BIK: variants seen among roughly 807,000 people sequenced by gnomAD.
BIK encodes BCL2 interacting killer, also known as bcl-2-interacting killer.
Under a neutral mutation model 12.1 loss-of-function variants are expected in BIK, and 14 were observed. That is an observed-to-expected ratio of 1.16 (90% CI 0.77 to 1.81). The LOEUF (loss-of-function observed/expected upper bound fraction) is 1.81. Among genes scored for constraint, BIK ranks in the 40% most tolerant of loss-of-function variants. The probability of loss-of-function intolerance (pLI) is 0.00; values close to 1 mark genes in which losing one functional copy is unlikely to be tolerated. For missense variants in BIK, 215 were observed against 207.9 expected (o/e 1.03, Z -0.21); for synonymous variants, 86 against 92.3 (o/e 0.93, Z 0.39).
At chr22:43,128,775 T>C (rs1049695773) in intron 4 of BIK, 150 bp downstream of exon 4, 1 of 1,207,570 alleles carries the variant, frequency 8.3e-7, no homozygotes. Flanking sequence ...GGCTTTTGGG[T>C]TTGAGATGCC....
intron 1 of BIK, among the ~76,000 whole-genome samples, chr22:43,114,101 C>T (rs188768403): frequency 1.6e-4 from 25 of 152,294 alleles, no homozygotes; most frequent in Non-Finnish European, 2.2e-4. Context: ...GCTGATTTTC[C>T]TAGTGTCAAT....
At chr22:43,113,483 C>G (rs1284617434) in intron 1 of BIK, among the ~76,000 whole-genome samples, 1 of 151,550 alleles carries the variant, frequency 6.6e-6, no homozygotes, top group East Asian at 1.9e-4. Flanking sequence ...ACCCAGGAGG[C>G]GGAGATTGCA....
chr22:43,126,188 C>CTT (rs549572600), intron 2 of BIK, among the ~76,000 whole-genome samples: 1 of 137,160 alleles, frequency 7.3e-6, no homozygotes, highest in Non-Finnish European at 1.6e-5. Flanking sequence ...GCATGCCCGG[C>CTT]TTTTTTTTTT....
At position 43,124,085 on chromosome 22, in the gene BIK, C is replaced by A. The variant is rs780165379; in HGVS notation, c.63C>A (p.Leu21=). 3.1e-6 allele frequency: 5 copies of A among 1,614,176 alleles called. No homozygotes were observed. Among genetic ancestry groups the A allele is most frequent in the Non-Finnish European group, 4.2e-6 (5 of 1,180,028 alleles). The change falls in exon 2 of 5, where the codon CTC becomes CTA. Residue 21 remains leucine (L), a synonymous_variant. Coordinates refer to ENST00000216115, the MANE Select transcript of BIK (RefSeq NM_001197.5). ...TGGAGACCCTCCTGTATGAGCAGCTCCTGGAACCCCCGACCATGGAGGTTC... is the reference window on the plus strand; with the variant it reads ...TGGAGACCCTCCTGTATGAGCAGCTACTGGAACCCCCGACCATGGAGGTTC... The part of the protein sequence containing the change: ...ILMETLLYEQ[L]LEPPTMEVLG...
intron 1 of BIK, among the ~76,000 whole-genome samples, chr22:43,121,932 T>C (rs1241663010): frequency 2.0e-5 from 3 of 152,220 alleles, no homozygotes; most frequent in Non-Finnish European, 2.9e-5. Context: ...GGTTTTACCA[T>C]GTTGGCCAGG....
In BIK at chr22:43,129,692, A is replaced by C; in HGVS notation, c.*387A>C. The stretch of plus-strand genomic sequence containing the variant: ...AGATTCCGAGGAGCAGGAGTGCTCA[A>C]TAAAATGTTGGTTTCCAGCAGTCTC... On this transcript the variant is annotated 3_prime_UTR_variant, in exon 5 of 5. Transcript: ENST00000216115. 1 of 219,348 alleles carries C rather than the reference A, an allele frequency of 4.6e-6. No homozygotes were observed. Among genetic ancestry groups the C allele is most frequent in the Non-Finnish European group, 9.0e-6 (1 of 110,804 alleles). The allele number at this position is 219,348 out of a possible 1,614,324, so 13.6% of individuals were successfully genotyped here.
chr22:43,118,875 G>T (rs1225437322), intron 1 of BIK, among the ~76,000 whole-genome samples: 3 of 151,992 alleles, frequency 2.0e-5, no homozygotes, highest in African/African-American at 7.3e-5. Context: ...TGCAGCCTCG[G>T]CCCTCGAACA....
At chr22:43,115,525 C>T (rs368742380) in intron 1 of BIK, among the ~76,000 whole-genome samples, 10 of 152,170 alleles carry the variant, frequency 6.6e-5, no homozygotes, top group Non-Finnish European at 1.2e-4. Context: ...TGCAGTGGCG[C>T]GATCTCGGCT....
At chr22:43,118,275 G>A (rs1020379797) in intron 1 of BIK, among the ~76,000 whole-genome samples, 5 of 152,302 alleles carry the variant, frequency 3.3e-5, no homozygotes, top group Admixed American at 2.6e-4. Flanking sequence ...TCAGTCCACC[G>A]TGGCGTCCTG....
intron 1 of BIK, among the ~76,000 whole-genome samples, chr22:43,114,779 G>T (rs556757380): frequency 6.6e-6 from 1 of 152,220 alleles, no homozygotes; most frequent in African/African-American, 2.4e-5. Context: ...TGTGCGCCTC[G>T]CAGAGCAACA....
chr22:43,124,790 G>A (rs1309714051), intron 2 of BIK, among the ~76,000 whole-genome samples: 1 of 151,600 alleles, frequency 6.6e-6, no homozygotes, highest in Non-Finnish European at 1.5e-5. Flanking sequence ...TAGTCGGGAG[G>A]CTGAGGCAGG....
chr22:43,117,964 C>T (rs1021811464), intron 1 of BIK, among the ~76,000 whole-genome samples: 1 of 152,086 alleles, frequency 6.6e-6, no homozygotes, highest in African/African-American at 2.4e-5. Flanking sequence ...TAAGCCACCG[C>T]GGCTGGCCCA....
intron 1 of BIK, among the ~76,000 whole-genome samples, chr22:43,122,118 G>A (rs1476297628): frequency 1.3e-5 from 2 of 152,166 alleles, no homozygotes; most frequent in African/African-American, 4.8e-5. Flanking sequence ...GGTCCTGCCT[G>A]CCGTCAGTTT....
intron 2 of BIK, 48 bp from the exon 3 acceptor site, chr22:43,127,649 G>T: frequency 1.3e-6 from 2 of 1,501,932 alleles, no homozygotes; most frequent in Non-Finnish European, 1.8e-6. Flanking sequence ...AGGTGCATGT[G>T]GCCTCCACGG....
At chr22:43,127,657 C>A in intron 2 of BIK, 40 bp from the exon 3 acceptor site, 2 of 1,521,922 alleles carry the variant, frequency 1.3e-6, no homozygotes, top group African/African-American at 1.4e-5. Flanking sequence ...GTGGCCTCCA[C>A]GGCACAGCCA....
chr22:43,118,847 AC>A (rs1198078097), intron 1 of BIK, among the ~76,000 whole-genome samples: 1 of 151,438 alleles, frequency 6.6e-6, no homozygotes, highest in Non-Finnish European at 1.5e-5. Context: ...TCTGCCCCCA[AC>A]CCCGCTCTGA....
At chr22:43,118,771 G>A (rs1287999683) in intron 1 of BIK, among the ~76,000 whole-genome samples, 1 of 152,134 alleles carries the variant, frequency 6.6e-6, no homozygotes, top group Non-Finnish European at 1.5e-5. Context: ...GACTGGGCGA[G>A]GTCATGAGAG....
At position 43,126,931 on chromosome 22, in the gene BIK, G is replaced by C. The variant is rs549650275; in HGVS notation, c.162-766G>C. Reference sequence around the variant, plus strand: ...GGAGTGTAGGCCCAGGGCATTGGCAGGTCAGGTGGGTGGGGCCAGGGCCCA... The same window carrying C: ...GGAGTGTAGGCCCAGGGCATTGGCACGTCAGGTGGGTGGGGCCAGGGCCCA... On this transcript the variant is annotated intron_variant, in intron 2 of 4. Coordinates refer to ENST00000216115, the MANE Select transcript of BIK (RefSeq NM_001197.5). Among the ~76,000 whole-genome samples the C allele has an allele frequency of 1.9e-4, 29 of 152,230 alleles. No homozygotes were observed. In the East Asian group the frequency reaches 4.8e-3, roughly 25 times the overall value.
chr22:43,124,073 G>A lies in BIK; in HGVS notation c.51G>A (p.Leu17=), dbSNP rs1333832145. Residue 17 remains leucine (L), a synonymous_variant, in exon 2 of 5, where the codon CTG becomes CTA. Coordinates refer to ENST00000216115, the MANE Select transcript of BIK (RefSeq NM_001197.5). The part of the protein sequence containing the change: ...LSRDILMETL[L]YEQLLEPPTM... ...GAGACATCTTGATGGAGACCCTCCT[G>A]TATGAGCAGCTCCTGGAACCCCCGA... 3.7e-6 allele frequency: 6 copies of A among 1,614,066 alleles called. No individual in the cohort carries two copies. In the African/African-American group the frequency reaches 8.0e-5, roughly 22 times the overall value.
Sources: gnomAD v4.1 joint callset for allele counts (sites outside exome capture counted in the v4.1 genomes callset) on GRCh38, gnomAD v4.1.1 for gene constraint, MANE v1.5 for transcripts, NCBI Gene and HGNC (gene_info 2026-07-23, HGNC 2026-07-21) for gene names.